The following GGT7 variants were observed in gnomAD, a reference collection of about 807,000 sequenced individuals.
The protein encoded by GGT7 is glutathione hydrolase 7.
A neutral mutation model predicts 69.2 loss-of-function variants in GGT7; 30 were observed. That is an observed-to-expected ratio of 0.43 (90% CI 0.32 to 0.59). The LOEUF is 0.59. Ranked by LOEUF, GGT7 falls within the 20% of genes least tolerant of loss-of-function variation. The probability of loss-of-function intolerance (pLI) is 0.05; values close to 1 mark genes in which losing one functional copy is unlikely to be tolerated. For synonymous variants in GGT7, 388 were observed against 391.8 expected, an observed-to-expected ratio of 0.99 and a Z score of 0.12; for missense variants, 733 against 901.1, an observed-to-expected ratio of 0.81 and a Z score of 2.39.
At chr20:34,849,189 A>T (rs1175597264) in intron 14 of GGT7, among the ~76,000 whole-genome samples, 2 of 141,188 alleles carry the variant, frequency 1.4e-5, no homozygotes, top group African/African-American at 2.7e-5. Flanking sequence ...AGGAGATAGG[A>T]TCTCACTCTG....
rs1357633973 is a variant in GGT7 at position 34,872,507 on chromosome 20, G to A, written c.169+140C>T. On this transcript the variant is annotated intron_variant, in intron 1 of 14. Coordinates refer to ENST00000336431, the MANE Select transcript of GGT7 (RefSeq NM_178026.3). ...CCCCTTCCTCACCAAATAATTAACA[G>A]AGACAAGGGAGAAGAAGGGAGAGAT... 4 of 595,826 alleles carry A rather than the reference G, an allele frequency of 6.7e-6. No homozygotes were observed. The East Asian group carries it at 1.4e-4, about 21-fold the overall frequency. 36.9% of individuals were successfully genotyped at this position (595,826 alleles called of 1,614,324 possible). A position where few individuals can be genotyped will look rare whatever the true frequency, so the allele number is the denominator to read the frequency against.
chr20:34,852,384 C>A lies in GGT7; in HGVS notation c.1469+5G>T, dbSNP rs2079410794. ...GTTCCAGGTTCTGAGTCTGAGCTGGCATACCTAACCATGGCCACAATGAAG... is the reference window on the plus strand; with the variant it reads ...GTTCCAGGTTCTGAGTCTGAGCTGGAATACCTAACCATGGCCACAATGAAG... On this transcript the variant is annotated splice_donor_5th_base_variant and intron_variant, in intron 11 of 14. Coordinates refer to ENST00000336431, the MANE Select transcript of GGT7 (RefSeq NM_178026.3). 1.2e-6 allele frequency: 2 copies of A among 1,614,056 alleles called. No individual in the cohort carries two copies. Among genetic ancestry groups the A allele is most frequent in the Non-Finnish European group, 1.7e-6 (2 of 1,179,976 alleles).
intron 9 of GGT7, 69 bp from the exon 10 acceptor site, chr20:34,854,688 CGT>C (rs1415598108): frequency 2.5e-6 from 4 of 1,571,216 alleles, no homozygotes; most frequent in African/African-American, 1.3e-5. Context: ...AGTGGACTTT[CGT>C]GTGTGAGAAA....
chr20:34,854,997 T>C, intron 8 of GGT7, 74 bp from the exon 9 acceptor site: 1 of 1,456,244 alleles, frequency 6.9e-7, no homozygotes, highest in Non-Finnish European at 9.5e-7. Context: ...CATCTCCACA[T>C]TCCACCATCA....
chr20:34,863,435 C>T lies in GGT7; in HGVS notation c.283G>A (p.Ala95Thr). The change falls in exon 2 of 15, where the codon GCC (alanine) becomes ACC (threonine). Residue 95 changes from alanine (A) to threonine (T), a missense_variant. Coordinates refer to ENST00000336431, the MANE Select transcript of GGT7 (RefSeq NM_178026.3). This position sits in a 1 kb window ranked among gnomAD's most constrained non-coding sequence, Gnocchi z 4.4. The stretch of plus-strand genomic sequence containing the variant: ...CGGCAGGAGCACTCGGCCGCTGCGG[C>T]GGAGAACGGGTCTTTGCGCGTCTCG... ...LRETRKDPFS[A>T]AAAECSCRQD... 1 of 1,613,404 alleles carries T rather than the reference C, an allele frequency of 6.2e-7. No individual in the cohort carries two copies. Among genetic ancestry groups the T allele is most frequent in the Non-Finnish European group, 8.5e-7 (1 of 1,179,888 alleles).
intron 1 of GGT7, among the ~76,000 whole-genome samples, chr20:34,866,521 A>C (rs954889709): frequency 6.8e-6 from 1 of 148,064 alleles, no homozygotes; most frequent in Non-Finnish European, 1.5e-5. Context: ...GGGAAAGGGG[A>C]CTTTTTTATT....
At position 34,863,860 on chromosome 20, in the gene GGT7, G is replaced by A. The variant is rs1309929451; in HGVS notation, c.170-312C>T. 9.0e-6 allele frequency: 5 copies of A among 552,796 alleles called. No homozygotes were observed. In the East Asian group the frequency reaches 1.8e-4, roughly 20 times the overall value. 34.2% of individuals were successfully genotyped at this position (552,796 alleles called of 1,614,324 possible). A position where few individuals can be genotyped will look rare whatever the true frequency, so the allele number is the denominator to read the frequency against. ...AGAACACTTCCTGGGGGGTGGGGTG[G>A]GGGTTCCAGCCCTCAGTGGAAATCG... On this transcript the variant is annotated intron_variant, in intron 1 of 14. Transcript: ENST00000336431. This position sits in a 1 kb window ranked among gnomAD's most constrained non-coding sequence, Gnocchi z 4.4.
chr20:34,868,912 T>C lies in GGT7; in HGVS notation c.169+3735A>G, dbSNP rs563729325. ...AGAGCAAAAGATGGAGAAAAGTCCA[T>C]TCCTTTTTAGGTACCTTAATCCAGC... On this transcript the variant is annotated intron_variant, in intron 1 of 14. Coordinates refer to ENST00000336431, the MANE Select transcript of GGT7 (RefSeq NM_178026.3). Among the ~76,000 whole-genome samples the C allele has an allele frequency of 7.6e-4, 116 of 152,208 alleles. 1 individual carries two copies. Among genetic ancestry groups the C allele is most frequent in the Non-Finnish European group, 1.5e-3 (104 of 68,030 alleles).
rs1272307592 is a variant in GGT7, at chr20:34,861,444, C to T, written c.675+1G>A. 2.0e-6 allele frequency: 3 copies of T among 1,514,184 alleles called. No homozygotes were observed. The highest frequency in any genetic ancestry group is 2.7e-6 in the Non-Finnish European group (3 of 1,105,388). 93.8% of individuals were successfully genotyped at this position (1,514,184 alleles called of 1,614,324 possible). The stretch of plus-strand genomic sequence containing the variant: ...CTCTCTCTTCTCACCAGGGTCCCCA[C>T]CTTGGTCTCCCAGGATCTTTGCAGG... On this transcript the variant is annotated splice_donor_variant, in intron 4 of 14. Coordinates refer to ENST00000336431, the MANE Select transcript of GGT7 (RefSeq NM_178026.3). LOFTEE classifies it high-confidence loss of function.
Position 34,854,563 on chromosome 20 carries a change from A to T in GGT7, c.1287T>A (p.Ser429=). 1.9e-6 allele frequency: 3 copies of T among 1,612,856 alleles called. No individual in the cohort carries two copies. ...TGTCATCCATGCTCTCAGTGATGGT[A>T]GAATCATAGACGGGATCTCCCAGTC... ...ASRLGDPVYD[S]TITESMDDML... is the part of the protein sequence containing the mutation. Residue 429 remains serine, a synonymous_variant, in exon 10 of 15, where the codon TCT becomes TCA. Transcript: ENST00000336431.
chr20:34,859,063 G>A (rs143111652), intron 7 of GGT7, among the ~76,000 whole-genome samples: 185 of 152,114 alleles, frequency 1.2e-3, no homozygotes, highest in Non-Finnish European at 2.3e-3. Context: ...CCAGTTACTC[G>A]GGAGGCTGAG....
At chr20:34,850,504 A>T (rs2079371776) in intron 13 of GGT7, among the ~76,000 whole-genome samples, 1 of 152,204 alleles carries the variant, frequency 6.6e-6, no homozygotes, top group Non-Finnish European at 1.5e-5. Context: ...CTAAAGTCTT[A>T]ACCTCTCTGG....
Position 34,861,533 on chromosome 20 carries a change from C to A in GGT7, c.587G>T (p.Arg196Leu). 2 of 1,522,052 alleles carry A rather than the reference C, an allele frequency of 1.3e-6. No individual in the cohort carries two copies. Among genetic ancestry groups the A allele is most frequent in the Non-Finnish European group, 1.8e-6 (2 of 1,121,904 alleles). The allele number at this position is 1,522,052 out of a possible 1,614,324, so 94.3% of individuals were successfully genotyped here. A position where few individuals can be genotyped will look rare whatever the true frequency, so the allele number is the denominator to read the frequency against. The change falls in exon 4 of 15, where the codon CGA becomes CTA. Residue 196 changes from arginine (R) to leucine (L), a missense_variant. Transcript: ENST00000336431. ...GGGVMLVHDI[R>L]RNESHLIDFR... ...ATCAATTAGGTGGCTCTCATTTCGT[C>A]GGATGTCATGTACCAGCATCACGCC...
chr20:34,852,076 G>A, intron 12 of GGT7, 79 bp downstream of exon 12: 2 of 874,206 alleles, frequency 2.3e-6, no homozygotes, highest in South Asian at 1.3e-5. Flanking sequence ...AGAAAGTAGG[G>A]AGAAAGGGGC....
At position 34,859,936 on chromosome 20, in the gene GGT7, C is replaced by T. The variant is rs765851466; in HGVS notation, c.817+33G>A. ...AGATTCTACCCTTCTCCATCAACCT[C>T]ATGTCTCTCCCAAATCCCCAGGCCC... On this transcript the variant is annotated intron_variant, in intron 6 of 14. Coordinates refer to ENST00000336431, the MANE Select transcript of GGT7 (RefSeq NM_178026.3). The T allele has an allele frequency of 2.9e-6, 4 of 1,401,934 alleles. No individual in the cohort carries two copies. The African/African-American group carries it at 5.7e-5, about 20-fold the overall frequency. 86.8% of individuals were successfully genotyped at this position (1,401,934 alleles called of 1,614,324 possible).
At chr20:34,862,720 C>A (rs905695157) in intron 3 of GGT7, 94 bp downstream of exon 3, 2 of 1,253,814 alleles carry the variant, frequency 1.6e-6, no homozygotes, top group Non-Finnish European at 2.3e-6. Flanking sequence ...GGCCCAAAAG[C>A]CCCTCTCCCT....
intron 1 of GGT7, among the ~76,000 whole-genome samples, chr20:34,870,090 GT>G (rs1170141040): frequency 6.6e-6 from 1 of 152,168 alleles, no homozygotes; most frequent in Admixed American, 6.5e-5. Flanking sequence ...GTACCACCAG[GT>G]TGAGAACACA....
intron 1 of GGT7, 190 bp downstream of exon 1, chr20:34,872,457 C>T (rs1472790763): frequency 2.3e-6 from 1 of 441,690 alleles, no homozygotes; most frequent in Non-Finnish European, 3.9e-6. Context: ...TTGTCGCATC[C>T]TACGCCTCCA....
At position 34,854,514 on chromosome 20, in the gene GGT7, T is replaced by C. The variant is rs778190614; in HGVS notation, c.1319+17A>G. 57 of 1,533,582 alleles carry C rather than the reference T, an allele frequency of 3.7e-5. No individual in the cohort carries two copies. The highest frequency in any genetic ancestry group is 5.0e-5 in the Non-Finnish European group (55 of 1,107,230). 95.0% of individuals were successfully genotyped at this position (1,533,582 alleles called of 1,614,324 possible). A position where few individuals can be genotyped will look rare whatever the true frequency, so the allele number is the denominator to read the frequency against. ...CACCGCTGCCTCTGTAGCCCCCAGG[T>C]CCTGCCCAAGACCCACCTGAGCATG... On this transcript the variant is annotated intron_variant, in intron 10 of 14. Transcript: ENST00000336431.
Sources: gnomAD v4.1 joint callset for allele counts (sites outside exome capture counted in the v4.1 genomes callset) on GRCh38, gnomAD v4.1.1 for gene constraint, Gnocchi (gnomAD v3.1) non-coding constraint, MANE v1.5 for transcripts, NCBI Gene and HGNC (gene_info 2026-07-23, HGNC 2026-07-21) for gene names.